Variants in KAZN observed in about 807,000 individuals in gnomAD.
The protein encoded by KAZN is kazrin, periplakin interacting protein, also known as kazrin.
KAZN carries 40 observed loss-of-function variants against 87.4 expected under a neutral mutation model. The ratio of observed to expected loss-of-function variants is 0.46; its 90% confidence interval spans 0.36 to 0.60. KAZN has a LOEUF of 0.60. Ranked by LOEUF, KAZN falls within the 20% of genes least tolerant of loss-of-function variation. The pLI, the probability that KAZN is intolerant of heterozygous loss-of-function variation, is 0.00. For synonymous variants in KAZN, 466 were observed against 458.3 expected (o/e 1.02, Z -0.22); for missense variants, 898 against 1,073.9 (o/e 0.84, Z 2.29).
intron 2 of KAZN, among the ~76,000 whole-genome samples, chr1:14,536,030 TC>T (rs1672485556): frequency 6.6e-6 from 1 of 152,188 alleles, no homozygotes; most frequent in Non-Finnish European, 1.5e-5. Context: ...GAACTAGGAC[TC>T]CCTAATTACT....
intron 1 of KAZN, among the ~76,000 whole-genome samples, chr1:13,936,924 T>C (rs566409737): frequency 3.2e-4 from 49 of 152,334 alleles, no homozygotes; most frequent in Middle Eastern, 6.8e-3. Context: ...TATCTCATTG[T>C]GATTTTAATT....
chr1:14,615,352 T>C (rs1438086453), intron 1 of KAZN, among the ~76,000 whole-genome samples: 1 of 152,162 alleles, frequency 6.6e-6, no homozygotes, highest in Non-Finnish European at 1.5e-5. Flanking sequence ...GGGCCAGGCA[T>C]GGTGGCGCTC....
chr1:13,899,229 T>G (rs1639155440), intron 1 of KAZN, among the ~76,000 whole-genome samples: 1 of 152,228 alleles, frequency 6.6e-6, no homozygotes, highest in Non-Finnish European at 1.5e-5. Context: ...TATTCTGGGA[T>G]GGTTATTGTG....
intron 2 of KAZN, among the ~76,000 whole-genome samples, chr1:15,001,844 C>T (rs1051082667): frequency 1.3e-5 from 2 of 148,274 alleles, no homozygotes; most frequent in Admixed American, 6.7e-5. Flanking sequence ...CTGGCGATGT[C>T]CCTCTTGGCC....
At chr1:14,707,203 T>C (rs1046514797) in intron 1 of KAZN, among the ~76,000 whole-genome samples, 50 of 152,136 alleles carry the variant, frequency 3.3e-4, no homozygotes, top group African/African-American at 1.1e-3. Context: ...CTGGGTGGCA[T>C]TGTGTCAGCA....
chr1:14,272,814 C>T (rs1043558964), intron 2 of KAZN, among the ~76,000 whole-genome samples: 4 of 152,060 alleles, frequency 2.6e-5, no homozygotes, highest in African/African-American at 9.7e-5. Flanking sequence ...GCAGAGACTG[C>T]ACCACTGCAC....
At chr1:14,089,519 C>A (rs1570711986) in intron 1 of KAZN, among the ~76,000 whole-genome samples, 1 of 152,118 alleles carries the variant, frequency 6.6e-6, no homozygotes, top group Non-Finnish European at 1.5e-5. Flanking sequence ...AGTGTCCCCT[C>A]AAATAATAGG....
At chr1:14,618,961 GC>G (rs773867276) in intron 1 of KAZN, among the ~76,000 whole-genome samples, 2 of 152,172 alleles carry the variant, frequency 1.3e-5, no homozygotes, top group Non-Finnish European at 2.9e-5. Flanking sequence ...GGGTCTTTGG[GC>G]AGAATTTGCT....
intron 1 of KAZN, among the ~76,000 whole-genome samples, chr1:13,967,130 T>G (rs535353763): frequency 1.9e-4 from 29 of 152,258 alleles, no homozygotes; most frequent in Non-Finnish European, 3.2e-4. Context: ...TTTCAAAGCT[T>G]TTTATTTTGC....
intron 1 of KAZN, among the ~76,000 whole-genome samples, chr1:14,899,774 C>G (rs889781290): frequency 3.3e-5 from 5 of 152,176 alleles, no homozygotes; most frequent in African/African-American, 1.2e-4. Flanking sequence ...CAAGATGCCA[C>G]TGCCACCTCC....
In KAZN at chr1:14,916,260, C is replaced by A. The variant is rs538338102; in HGVS notation, c.227-44424C>A. Among the ~76,000 whole-genome samples, 47 of 150,776 alleles carry A rather than the reference C, an allele frequency of 3.1e-4. No homozygotes were observed. In the South Asian group the frequency reaches 9.5e-3, roughly 31 times the overall value. The stretch of plus-strand genomic sequence containing the variant: ...TCTTGGTGCACTGCAGCCTCCACCT[C>A]CCGGGTTCAAGCGATTCTCCTGCCT... On this transcript the variant is annotated intron_variant, in intron 1 of 14. Transcript: ENST00000376030.
chr1:14,782,837 C>T (rs557675885), intron 1 of KAZN, among the ~76,000 whole-genome samples: 1 of 152,090 alleles, frequency 6.6e-6, no homozygotes, highest in African/African-American at 2.4e-5. Context: ...CCCCCAACCT[C>T]GCTGCAAATG....
intron 1 of KAZN, among the ~76,000 whole-genome samples, chr1:13,921,620 ATAG>A (rs982157987): frequency 4.0e-5 from 6 of 151,560 alleles, no homozygotes; most frequent in African/African-American, 1.2e-4. Context: ...GCCTTGCACT[ATAG>A]TTGTTTGCAT....
chr1:14,916,713 G>A (rs576229551), intron 1 of KAZN, among the ~76,000 whole-genome samples: 4 of 151,950 alleles, frequency 2.6e-5, no homozygotes, highest in South Asian at 2.1e-4. Flanking sequence ...AGGAGTTTGC[G>A]GCAGCTTGGG....
chr1:14,671,429 C>T (rs745935954), intron 1 of KAZN, among the ~76,000 whole-genome samples: 5 of 152,192 alleles, frequency 3.3e-5, no homozygotes, highest in South Asian at 2.1e-4. Context: ...GGGTCACGTA[C>T]TGGGGGAGAT....
chr1:14,818,324 A>G (rs1646633663), intron 1 of KAZN, among the ~76,000 whole-genome samples: 1 of 152,236 alleles, frequency 6.6e-6, no homozygotes, highest in African/African-American at 2.4e-5. Context: ...CAGATGGCCC[A>G]CTAAAACTGG....
At chr1:14,217,733 A>G (rs1053785720) in intron 2 of KAZN, among the ~76,000 whole-genome samples, 3 of 152,132 alleles carry the variant, frequency 2.0e-5, no homozygotes, top group Non-Finnish European at 4.4e-5. Flanking sequence ...AATAACCAAC[A>G]CTGAGAGAAA....
intron 1 of KAZN, among the ~76,000 whole-genome samples, chr1:14,643,581 A>C (rs2148679921): frequency 6.6e-6 from 1 of 152,156 alleles, no homozygotes; most frequent in East Asian, 1.9e-4. Context: ...ATGGGCATTT[A>C]GTTTGATTCC....
chr1:14,026,772 C>T (rs1641093251), intron 1 of KAZN, among the ~76,000 whole-genome samples: 2 of 152,164 alleles, frequency 1.3e-5, no homozygotes, highest in Non-Finnish European at 2.9e-5. Flanking sequence ...GTGAATAGCA[C>T]AGCCCTGCTC....
Sources: allele counts gnomAD v4.1 joint callset (sites outside exome capture counted in the v4.1 genomes callset), GRCh38; gene constraint gnomAD v4.1.1; transcripts MANE v1.5; gene names NCBI Gene and HGNC (gene_info 2026-07-23, HGNC 2026-07-21).